EBF3: variants seen among roughly 807,000 people sequenced by gnomAD.
The protein encoded by EBF3 is EBF transcription factor 3.
EBF3 carries 18 observed loss-of-function variants against 77.1 expected under a neutral mutation model. That is an observed-to-expected ratio of 0.23 (90% CI 0.16 to 0.35). EBF3 has a LOEUF of 0.35. EBF3 is among the 10% of genes least tolerant of loss of function. EBF3 has a pLI of 1.00. For missense variants in EBF3, 558 were observed against 860.0 expected, an observed-to-expected ratio of 0.65 and a Z score of 4.39; for synonymous variants, 350 against 343.5, an observed-to-expected ratio of 1.02 and a Z score of -0.21.
At chr10:129,865,017 G>A (rs1031878941) in intron 10 of EBF3, among the ~76,000 whole-genome samples, 1 of 152,220 alleles carries the variant, frequency 6.6e-6, no homozygotes, top group Non-Finnish European at 1.5e-5. Flanking sequence ...GTAAGCATAT[G>A]CCCAGGTCCC....
intron 6 of EBF3, among the ~76,000 whole-genome samples, chr10:129,933,569 C>G (rs1857168671): frequency 6.6e-6 from 1 of 152,210 alleles, no homozygotes; most frequent in African/African-American, 2.4e-5. Flanking sequence ...CTCAAGTGGT[C>G]CCTTGAGCTG....
intron 8 of EBF3, among the ~76,000 whole-genome samples, chr10:129,872,636 T>TA (rs762064379): frequency 5.9e-5 from 9 of 152,162 alleles, no homozygotes; most frequent in Non-Finnish European, 1.0e-4. Context: ...GCAATTCACT[T>TA]AAAAAAACAC....
Position 129,963,436 on chromosome 10 carries a change from G to A in EBF3, c.222C>T (p.Leu74=). ...KSNFFHFVLA[L]YDRQGQPVEI... is the part of the protein sequence containing the mutation. ...CCACCGGCTGCCCCTGCCTATCGTA[G>A]AGCGCCAGCACGAAGTGGAAGAAAT... The change falls in exon 2 of 17, where the codon CTC becomes CTT. Residue 74 remains leucine (L), a synonymous_variant. Coordinates refer to ENST00000440978, the MANE Select transcript of EBF3 (RefSeq NM_001375380.1). This position sits in a 1 kb window ranked among gnomAD's most constrained non-coding sequence, Gnocchi z 7.1. The A allele has an allele frequency of 1.3e-6, 2 of 1,592,256 alleles. No individual in the cohort carries two copies. The highest frequency in any genetic ancestry group is 8.6e-7 in the Non-Finnish European group (1 of 1,169,446).
At chr10:129,858,140 C>A (rs1002589998) in intron 10 of EBF3, among the ~76,000 whole-genome samples, 3 of 152,192 alleles carry the variant, frequency 2.0e-5, no homozygotes, top group African/African-American at 7.2e-5. Flanking sequence ...GGAACCCAGT[C>A]CTTGGGGTTG....
rs1202844507 is a variant in EBF3, at chr10:129,864,636, G to A, written c.1039+2505C>T. On this transcript the variant is annotated intron_variant, in intron 10 of 16. Transcript: ENST00000440978. The surrounding 1 kb of genome is among the most constrained non-coding windows in gnomAD (Gnocchi z 4.4). ...GCTGACAGTCCAGTGTAAGAACAGGGGGCTTATTCATCCATTTTTGTGCAG... is the reference window on the plus strand; with the variant it reads ...GCTGACAGTCCAGTGTAAGAACAGGAGGCTTATTCATCCATTTTTGTGCAG... 6.6e-6 allele frequency among the ~76,000 whole-genome samples: 1 copy of A among 152,176 alleles called. No individual in the cohort carries two copies. The highest frequency in any genetic ancestry group is 1.5e-5 in the Non-Finnish European group (1 of 68,028).
intron 14 of EBF3, 108 bp from the exon 15 acceptor site, chr10:129,840,550 A>C: frequency 2.4e-6 from 3 of 1,262,970 alleles, no homozygotes; most frequent in African/African-American, 1.5e-5. Context: ...CGAAAACAAA[A>C]CATGACATGC....
intron 6 of EBF3, among the ~76,000 whole-genome samples, chr10:129,924,115 A>G (rs1856486999): frequency 6.6e-6 from 1 of 152,186 alleles, no homozygotes; most frequent in African/African-American, 2.4e-5. Context: ...GATGGCTGCT[A>G]TCAGAAAACA....
At chr10:129,867,950 C>T (rs749896287) in intron 8 of EBF3, 38 bp from the exon 9 acceptor site, 1 of 1,603,270 alleles carries the variant, frequency 6.2e-7, no homozygotes, top group Non-Finnish European at 8.5e-7. Flanking sequence ...CCTTAGAGCC[C>T]CGTCCTCCTC....
chr10:129,952,362 A>T lies in EBF3; in HGVS notation c.554+4896T>A, dbSNP rs1323004822. ...TTTGCAGGTTATCCAAATGCTACTG[A>T]ATAGAAAACCTTGGATCCCTAAATG... On this transcript the variant is annotated intron_variant, in intron 6 of 16. Coordinates refer to ENST00000440978, the MANE Select transcript of EBF3 (RefSeq NM_001375380.1). This position sits in a 1 kb window ranked among gnomAD's most constrained non-coding sequence, Gnocchi z 4.7. Among the ~76,000 whole-genome samples the T allele has an allele frequency of 6.6e-6, 1 of 152,252 alleles. No homozygotes were observed. The highest frequency in any genetic ancestry group is 1.5e-5 in the Non-Finnish European group (1 of 68,044).
At chr10:129,934,071 C>G (rs963000298) in intron 6 of EBF3, among the ~76,000 whole-genome samples, 1 of 152,202 alleles carries the variant, frequency 6.6e-6, no homozygotes, top group African/African-American at 2.4e-5. Context: ...AGCAATGTCC[C>G]TGCTTCTCCA....
chr10:129,916,572 G>A lies in EBF3; in HGVS notation c.555-38723C>T, dbSNP rs530558316. Among the ~76,000 whole-genome samples the A allele has an allele frequency of 2.6e-5, 4 of 152,332 alleles. No individual in the cohort carries two copies. The East Asian group carries it at 7.7e-4, about 29-fold the overall frequency. On this transcript the variant is annotated intron_variant, in intron 6 of 16. Transcript: ENST00000440978. ...AGTGGAGTTGAAGGCACTCCAGGAG[G>A]CTCAGAGGAGCATGAAGGCCAGGCT...
intron 5 of EBF3, among the ~76,000 whole-genome samples, chr10:129,958,412 A>G (rs1859201801): frequency 6.6e-6 from 1 of 152,212 alleles, no homozygotes; most frequent in Non-Finnish European, 1.5e-5. Flanking sequence ...CTCTTCTGAC[A>G]GAGATCTCAA....
chr10:129,926,699 A>T (rs996482369), intron 6 of EBF3, among the ~76,000 whole-genome samples: 1 of 152,102 alleles, frequency 6.6e-6, no homozygotes, highest in Non-Finnish European at 1.5e-5. Flanking sequence ...TAAACAAAAG[A>T]AAAACAAACA....
chr10:129,907,195 T>C (rs2134272628), intron 6 of EBF3, among the ~76,000 whole-genome samples: 1 of 152,324 alleles, frequency 6.6e-6, no homozygotes, highest in African/African-American at 2.4e-5. Flanking sequence ...CAATTTTCCA[T>C]CTGTCAATCA....
In EBF3 at chr10:129,947,686, A is replaced by G. The variant is rs987559197; in HGVS notation, c.554+9572T>C. On this transcript the variant is annotated intron_variant, in intron 6 of 16. Coordinates refer to ENST00000440978, the MANE Select transcript of EBF3 (RefSeq NM_001375380.1). The surrounding 1 kb of genome is among the most constrained non-coding windows in gnomAD (Gnocchi z 4.5). Reference sequence around the variant, plus strand: ...CTTTGCAAAGGAACCAAATGCTTTGAAAAAAAAAAAAAAAGAAGGGCAGGA... The same window carrying G: ...CTTTGCAAAGGAACCAAATGCTTTGGAAAAAAAAAAAAAAGAAGGGCAGGA... Among the ~76,000 whole-genome samples, 27 of 129,386 alleles carry G rather than the reference A, an allele frequency of 2.1e-4. No homozygotes were observed. Among genetic ancestry groups the G allele is most frequent in the East Asian group, 1.0e-3 (5 of 4,818 alleles). 84.9% of individuals were successfully genotyped at this position (129,386 alleles called of 152,430 possible). A position where few individuals can be genotyped will look rare whatever the true frequency, so the allele number is the denominator to read the frequency against.
chr10:129,924,533 A>AGT (rs1476931242), intron 6 of EBF3, among the ~76,000 whole-genome samples: 1 of 152,212 alleles, frequency 6.6e-6, no homozygotes, highest in Non-Finnish European at 1.5e-5. Context: ...GATGAGAAAC[A>AGT]GTGCGGGCCC....
intron 10 of EBF3, among the ~76,000 whole-genome samples, chr10:129,860,909 A>AT (rs1851584593): frequency 6.6e-6 from 1 of 152,202 alleles, no homozygotes; most frequent in African/African-American, 2.4e-5. Flanking sequence ...CGATTTCTGT[A>AT]TGAGGTATAG....
intron 10 of EBF3, among the ~76,000 whole-genome samples, chr10:129,849,951 T>C (rs1012862821): frequency 2.6e-5 from 4 of 152,286 alleles, no homozygotes; most frequent in African/African-American, 9.6e-5. Context: ...TCAGAAGCTG[T>C]CAGCGTTGAC....
intron 7 of EBF3, among the ~76,000 whole-genome samples, chr10:129,876,887 C>G (rs1355265092): frequency 2.0e-3 from 19 of 9,614 alleles, no homozygotes; most frequent in Non-Finnish European, 2.9e-3. Flanking sequence ...ATCCCTGAAC[C>G]CCCCCCCCCC....
Sources: gnomAD v4.1 joint callset for allele counts (sites outside exome capture counted in the v4.1 genomes callset) on GRCh38, gnomAD v4.1.1 for gene constraint, Gnocchi (gnomAD v3.1) non-coding constraint, MANE v1.5 for transcripts, NCBI Gene and HGNC (gene_info 2026-07-23, HGNC 2026-07-21) for gene names.